The following MAP3K13 variants were observed in gnomAD, a reference collection of about 807,000 sequenced individuals.
MAP3K13 encodes the protein leucine zipper-bearing kinase.
MAP3K13 carries 52 observed loss-of-function variants against 104.0 expected under a neutral mutation model. That is an observed-to-expected ratio of 0.50 (90% CI 0.40 to 0.63). The LOEUF (loss-of-function observed/expected upper bound fraction) is 0.63, where lower values mean the gene tolerates loss of function less well. Among genes scored for constraint, MAP3K13 ranks in the 20% least tolerant of loss-of-function variants. The pLI is 0.00. For missense variants in MAP3K13, 914 were observed against 1,218.5 expected, an observed-to-expected ratio of 0.75 and a Z score of 3.72; for synonymous variants, 394 against 442.2, an observed-to-expected ratio of 0.89 and a Z score of 1.37.
At chr3:185,405,245 A>T (rs1383963022) in intron 1 of MAP3K13, among the ~76,000 whole-genome samples, 2 of 152,256 alleles carry the variant, frequency 1.3e-5, no homozygotes, top group African/African-American at 2.4e-5. Flanking sequence ...GTATATATGC[A>T]TTATTTAATG....
intron 2 of MAP3K13, among the ~76,000 whole-genome samples, chr3:185,286,504 A>T (rs1034717471): frequency 6.6e-6 from 1 of 152,124 alleles, no homozygotes; most frequent in Non-Finnish European, 1.5e-5. Flanking sequence ...TTAAAAAAAA[A>T]AAAAATCAAC....
intron 10 of MAP3K13, 23 bp downstream of exon 10, chr3:185,466,986 G>A (rs1326169948): frequency 1.2e-6 from 2 of 1,613,670 alleles, no homozygotes; most frequent in Non-Finnish European, 1.7e-6. Context: ...TACAAACGCA[G>A]TATTCAGATA....
At chr3:185,385,187 G>T (rs1021648649) in intron 1 of MAP3K13, among the ~76,000 whole-genome samples, 1 of 152,074 alleles carries the variant, frequency 6.6e-6, no homozygotes, top group Non-Finnish European at 1.5e-5. Flanking sequence ...GTCTCACTCT[G>T]TCTCTCAGGC....
intron 2 of MAP3K13, among the ~76,000 whole-genome samples, chr3:185,289,923 C>T (rs1046739380): frequency 3.9e-5 from 6 of 152,118 alleles, no homozygotes; most frequent in South Asian, 2.1e-4. Flanking sequence ...GTGGAAAGAG[C>T]GCAAACTCTA....
At chr3:185,301,693 A>G (rs1168009876) in intron 2 of MAP3K13, among the ~76,000 whole-genome samples, 1 of 152,106 alleles carries the variant, frequency 6.6e-6, no homozygotes, top group Non-Finnish European at 1.5e-5. Flanking sequence ...TTGCATGTGG[A>G]CATCCAGTTT....
At chr3:185,342,379 A>C (rs1251379348) in intron 2 of MAP3K13, among the ~76,000 whole-genome samples, 1 of 152,226 alleles carries the variant, frequency 6.6e-6, no homozygotes, top group Non-Finnish European at 1.5e-5. Context: ...TGTCTGTCTT[A>C]TCTATGCCAC....
chr3:185,458,586 C>G (rs1440376013), intron 7 of MAP3K13, among the ~76,000 whole-genome samples: 2 of 152,154 alleles, frequency 1.3e-5, no homozygotes, highest in Admixed American at 6.6e-5. Flanking sequence ...TTGTGTTTGA[C>G]TTTATCCTGC....
intron 2 of MAP3K13, among the ~76,000 whole-genome samples, chr3:185,291,030 CAT>C (rs1016845878): frequency 1.3e-5 from 2 of 152,172 alleles, no homozygotes; most frequent in Admixed American, 6.6e-5. Context: ...GCATCATGCA[CAT>C]GTTTACAATA....
rs368447045 is a variant in MAP3K13 at position 185,477,415 on chromosome 3, C to T, written c.2501+19C>T. On this transcript the variant is annotated intron_variant, in intron 12 of 13. Transcript: ENST00000265026. Reference sequence around the variant, plus strand: ...GACAGAGGTAAAACCAACAAATGCACACGATTGCTTTTAGTGGAATGGGGA... The same window carrying T: ...GACAGAGGTAAAACCAACAAATGCATACGATTGCTTTTAGTGGAATGGGGA... 113 of 1,588,782 alleles carry T rather than the reference C, an allele frequency of 7.1e-5. No homozygotes were observed. The highest frequency in any genetic ancestry group is 9.8e-5 in the Non-Finnish European group (113 of 1,157,376).
chr3:185,374,625 G>A (rs1381220503), intron 1 of MAP3K13, among the ~76,000 whole-genome samples: 3 of 152,104 alleles, frequency 2.0e-5, no homozygotes, highest in Admixed American at 6.6e-5. Context: ...GGGTCCAAGC[G>A]GGGTTAGCGT....
Position 185,450,521 on chromosome 3 carries a change from C to T in MAP3K13, c.1169+463C>T, listed in dbSNP as rs1465552176. Among the ~76,000 whole-genome samples the T allele has an allele frequency of 2.0e-5, 3 of 152,140 alleles. No homozygotes were observed. Among genetic ancestry groups the T allele is most frequent in the African/African-American group, 7.2e-5 (3 of 41,420 alleles). On this transcript the variant is annotated intron_variant, in intron 6 of 13. Coordinates refer to ENST00000265026, the MANE Select transcript of MAP3K13 (RefSeq NM_004721.5). The surrounding 1 kb of genome is among the most constrained non-coding windows in gnomAD (Gnocchi z 4.2). ...GTGGCTCACACCTGTAATTCCAACA[C>T]TTTGGCTGGCAGAGATGGGAGGATC...
intron 2 of MAP3K13, among the ~76,000 whole-genome samples, chr3:185,433,073 T>A (rs1714838212): frequency 6.6e-6 from 1 of 152,246 alleles, no homozygotes; most frequent in Non-Finnish European, 1.5e-5. Context: ...ACTGGATTTT[T>A]AAAAAATTTT....
intron 2 of MAP3K13, among the ~76,000 whole-genome samples, chr3:185,304,336 C>T (rs1444367080): frequency 6.6e-6 from 1 of 152,104 alleles, no homozygotes; most frequent in East Asian, 1.9e-4. Context: ...ACCAATTGGT[C>T]TGTAGGGTTG....
chr3:185,415,573 ATTTCTTTT>A (rs1448138842), intron 1 of MAP3K13, among the ~76,000 whole-genome samples: 2 of 119,452 alleles, frequency 1.7e-5, no homozygotes, highest in African/African-American at 6.4e-5. Context: ...AGAAGGGTTA[ATTTCTTTT>A]TTTTTTTTTT....
intron 2 of MAP3K13, chr3:185,285,788 G>A (rs953950453): frequency 5.4e-5 from 31 of 579,038 alleles, no homozygotes; most frequent in Non-Finnish European, 7.2e-5. Flanking sequence ...GGTTTGTTTT[G>A]TATATATGAA....
At chr3:185,390,775 C>A (rs923898612) in intron 1 of MAP3K13, among the ~76,000 whole-genome samples, 1 of 149,028 alleles carries the variant, frequency 6.7e-6, no homozygotes, top group Non-Finnish European at 1.5e-5. Flanking sequence ...AGGCGCCCAC[C>A]ACCACGCCCA....
chr3:185,324,209 G>A (rs796287448), intron 2 of MAP3K13, among the ~76,000 whole-genome samples: 10 of 151,790 alleles, frequency 6.6e-5, no homozygotes, highest in Non-Finnish European at 1.3e-4. Flanking sequence ...TAGTAGAGAC[G>A]GGGTTTTACC....
intron 1 of MAP3K13, among the ~76,000 whole-genome samples, chr3:185,374,702 C>T (rs1459933212): frequency 2.0e-5 from 3 of 151,732 alleles, no homozygotes; most frequent in Non-Finnish European, 2.9e-5. Context: ...CGTCATATAC[C>T]AGGCCAGATT....
In MAP3K13 at chr3:185,417,844, C is replaced by T. The variant is rs548297376; in HGVS notation, c.-85-10653C>T. On this transcript the variant is annotated intron_variant, in intron 1 of 13. Transcript: ENST00000265026. ...TTTCAGTGGGTTCTTCTTTAGGACTCTGCGATGAATCTTCTTGCGTGGTGC... is the reference window on the plus strand; with the variant it reads ...TTTCAGTGGGTTCTTCTTTAGGACTTTGCGATGAATCTTCTTGCGTGGTGC... 6.2e-6 allele frequency: 10 copies of T among 1,608,112 alleles called. No homozygotes were observed. The Admixed American group carries it at 1.5e-4, about 24-fold the overall frequency.
Sources: allele counts gnomAD v4.1 joint callset (sites outside exome capture counted in the v4.1 genomes callset), GRCh38; gene constraint gnomAD v4.1.1; non-coding constraint Gnocchi (gnomAD v3.1); transcripts MANE v1.5; gene names NCBI Gene and HGNC (gene_info 2026-07-23, HGNC 2026-07-21).